The following DOCK1 variants were observed in gnomAD, a reference collection of about 807,000 sequenced individuals.
The protein encoded by DOCK1 is dedicator of cytokinesis 1.
DOCK1 carries 138 observed loss-of-function variants against 262.7 expected under a neutral mutation model. That is an observed-to-expected ratio of 0.53 (90% CI 0.46 to 0.61). The LOEUF (loss-of-function observed/expected upper bound fraction) is 0.61, where lower values mean the gene tolerates loss of function less well. Ranked by LOEUF, DOCK1 falls within the 20% of genes least tolerant of loss-of-function variation. The pLI is 0.00. For missense variants in DOCK1, 1,908 were observed against 2,370.7 expected (o/e 0.80, Z 4.05); for synonymous variants, 866 against 867.4 (o/e 1.00, Z 0.03).
At chr10:127,024,168 C>G (rs77262404) in intron 14 of DOCK1, among the ~76,000 whole-genome samples, 3,767 of 152,260 alleles carry the variant, frequency 0.025, 162 homozygotes, top group African/African-American at 0.084. Context: ...GTGCCTAAGG[C>G]TCAGTGTCGC....
intron 29 of DOCK1, among the ~76,000 whole-genome samples, chr10:127,320,383 G>C (rs2062465797): frequency 6.6e-6 from 1 of 152,230 alleles, no homozygotes; most frequent in Admixed American, 6.5e-5. Flanking sequence ...AGGAGCAGTT[G>C]CGTAAGTCCT....
intron 25 of DOCK1, among the ~76,000 whole-genome samples, chr10:127,113,856 G>A (rs917989358): frequency 6.6e-5 from 10 of 152,100 alleles, no homozygotes; most frequent in African/African-American, 2.4e-4. Context: ...ATTAGATGAT[G>A]GCCACCCACA....
At chr10:127,336,125 G>A (rs987034997) in intron 29 of DOCK1, among the ~76,000 whole-genome samples, 3 of 151,984 alleles carry the variant, frequency 2.0e-5, no homozygotes. Context: ...ACCACACTCG[G>A]CCGACTAATA....
chr10:127,127,787 T>G (rs747399685), intron 27 of DOCK1, 23 bp downstream of exon 27: 1 of 1,597,616 alleles, frequency 6.3e-7, no homozygotes, highest in Admixed American at 1.7e-5. Context: ...TGACATATGT[T>G]TGGATATTTA....
intron 21 of DOCK1, among the ~76,000 whole-genome samples, chr10:127,045,362 G>T (rs2044279629): frequency 1.3e-5 from 2 of 152,172 alleles, no homozygotes; most frequent in African/African-American, 4.8e-5. Flanking sequence ...TCTGCACCTT[G>T]AAATTCCAAA....
At chr10:127,348,718 G>A (rs1413447703) in intron 31 of DOCK1, among the ~76,000 whole-genome samples, 2 of 152,032 alleles carry the variant, frequency 1.3e-5, no homozygotes, top group Non-Finnish European at 2.9e-5. Flanking sequence ...TTCACAATGG[G>A]ACCAAAATAT....
At chr10:127,196,315 G>A (rs1161643118) in intron 27 of DOCK1, among the ~76,000 whole-genome samples, 4 of 148,652 alleles carry the variant, frequency 2.7e-5, no homozygotes, top group African/African-American at 7.3e-5. Flanking sequence ...CTCCGGGGAC[G>A]CCCGCGCGCT....
At chr10:127,348,094 C>T (rs994597780) in intron 31 of DOCK1, among the ~76,000 whole-genome samples, 4 of 151,614 alleles carry the variant, frequency 2.6e-5, no homozygotes, top group Non-Finnish European at 4.4e-5. Flanking sequence ...GGCCATACCA[C>T]GCAGAGAACT....
At chr10:127,071,321 G>T (rs1392921995) in intron 23 of DOCK1, among the ~76,000 whole-genome samples, 2 of 152,146 alleles carry the variant, frequency 1.3e-5, no homozygotes, top group Non-Finnish European at 2.9e-5. Flanking sequence ...ACATAGGCAA[G>T]AATTAATCAG....
chr10:127,342,884 G>A (rs1408314591), intron 30 of DOCK1, among the ~76,000 whole-genome samples: 3 of 152,262 alleles, frequency 2.0e-5, no homozygotes, highest in East Asian at 1.9e-4. Flanking sequence ...TGATTTGGGG[G>A]TAAAGAGTCC....
chr10:127,143,830 C>T (rs1458942959), intron 27 of DOCK1, among the ~76,000 whole-genome samples: 2 of 152,044 alleles, frequency 1.3e-5, no homozygotes, highest in Non-Finnish European at 2.9e-5. Context: ...GAACCAGGAC[C>T]CCAAATATTT....
At chr10:127,004,389 T>C (rs1352678467) in intron 10 of DOCK1, among the ~76,000 whole-genome samples, 1 of 152,114 alleles carries the variant, frequency 6.6e-6, no homozygotes, top group African/African-American at 2.4e-5. Context: ...GCACAAAAAG[T>C]AAATATCTTA....
At chr10:127,129,470 A>G (rs1282773383) in intron 27 of DOCK1, among the ~76,000 whole-genome samples, 2 of 152,158 alleles carry the variant, frequency 1.3e-5, no homozygotes, top group Non-Finnish European at 2.9e-5. Flanking sequence ...CTTATTCTCC[A>G]TGATAATTAT....
At chr10:126,989,449 C>T (rs961930007) in intron 5 of DOCK1, among the ~76,000 whole-genome samples, 7 of 152,142 alleles carry the variant, frequency 4.6e-5, no homozygotes, top group Non-Finnish European at 2.9e-5. Context: ...ACCTCAGCCT[C>T]CTGAGTAGCT....
rs1026557816 is a variant in DOCK1 at position 127,451,914 on chromosome 10, G to A, written c.*487G>A. 1.2e-5 allele frequency: 2 copies of A among 168,650 alleles called. No individual in the cohort carries two copies. The highest frequency in any genetic ancestry group is 2.5e-5 in the Non-Finnish European group (2 of 79,938). The allele number at this position is 168,650 out of a possible 1,614,324, so 10.4% of individuals were successfully genotyped here. A position where few individuals can be genotyped will look rare whatever the true frequency, so the allele number is the denominator to read the frequency against. ...CCGGTGGTGTGACTTCGTTGGTTGA[G>A]GTGTGTCTCCAACCTACATCAGACC... On this transcript the variant is annotated 3_prime_UTR_variant, in exon 52 of 52. Coordinates refer to ENST00000623213, the MANE Select transcript of DOCK1 (RefSeq NM_001290223.2).
At chr10:127,134,684 G>C (rs1329984398) in intron 27 of DOCK1, among the ~76,000 whole-genome samples, 1 of 152,134 alleles carries the variant, frequency 6.6e-6, no homozygotes, top group African/African-American at 2.4e-5. Context: ...GCTCTGGGCT[G>C]TGCATTGGGC....
intron 27 of DOCK1, among the ~76,000 whole-genome samples, chr10:127,211,762 C>G (rs945108085): frequency 6.6e-6 from 1 of 152,162 alleles, no homozygotes; most frequent in Non-Finnish European, 1.5e-5. Context: ...GCCCTGCTGT[C>G]CAGGCCACCC....
At chr10:127,376,844 A>G (rs147142584) in intron 35 of DOCK1, among the ~76,000 whole-genome samples, 246 of 152,292 alleles carry the variant, frequency 1.6e-3, no homozygotes, top group Non-Finnish European at 2.8e-3. Flanking sequence ...ACAGTGGAGA[A>G]ATGGTGGTGT....
chr10:126,991,525 T>TG lies in DOCK1; in HGVS notation c.473+922_473+923insG, dbSNP rs1431323525. Among the ~76,000 whole-genome samples the TG allele has an allele frequency of 2.6e-5, 4 of 152,040 alleles. No homozygotes were observed. In the South Asian group the frequency reaches 6.2e-4, roughly 24 times the overall value. ...TGGCTGGAAATCTCCAGTGTTTTTT[T>TG]TTTGTTTGTTTGTTTTTTTTTGAGA... On this transcript the variant is annotated intron_variant, in intron 6 of 51. Coordinates refer to ENST00000623213, the MANE Select transcript of DOCK1 (RefSeq NM_001290223.2).
Sources: gnomAD v4.1 joint callset for allele counts (sites outside exome capture counted in the v4.1 genomes callset) on GRCh38, gnomAD v4.1.1 for gene constraint, MANE v1.5 for transcripts, NCBI Gene and HGNC (gene_info 2026-07-23, HGNC 2026-07-21) for gene names.